ONECUT3: variants seen among roughly 807,000 people sequenced by gnomAD.
The protein encoded by ONECUT3 is one cut homeobox 3, also known as one cut domain family member 3.
ONECUT3 carries 11 observed loss-of-function variants against 16.8 expected under a neutral mutation model. That is an observed-to-expected ratio of 0.66 (90% CI 0.41 to 1.09). The LOEUF (loss-of-function observed/expected upper bound fraction) is 1.09. ONECUT3 is among the 50% of genes least tolerant of loss of function. ONECUT3 has a pLI of 0.00. For missense variants in ONECUT3, 637 were observed against 629.9 expected, an observed-to-expected ratio of 1.01 and a Z score of -0.12; for synonymous variants, 344 against 310.7, an observed-to-expected ratio of 1.11 and a Z score of -1.13.
At chr19:1,765,959 C>T (rs531876216) in intron 1 of ONECUT3, among the ~76,000 whole-genome samples, 11 of 152,366 alleles carry the variant, frequency 7.2e-5, no homozygotes, top group Admixed American at 1.3e-4. Context: ...TCACGTCTCA[C>T]GTCCACACCG....
chr19:1,775,138 G>A lies in ONECUT3; in HGVS notation c.1193-15G>A. The A allele has an allele frequency of 4.1e-6, 3 of 730,540 alleles. No individual in the cohort carries two copies. The highest frequency in any genetic ancestry group is 5.9e-6 in the Non-Finnish European group (3 of 507,842). 45.3% of individuals were successfully genotyped at this position (730,540 alleles called of 1,614,324 possible). ...CTGTGTCCCGCTCGCCCGCCCGCCC[G>A]CCGCTCGCCCGCAGCCTGCAAGCGC... On this transcript the variant is annotated splice_polypyrimidine_tract_variant and intron_variant, in intron 1 of 1. Coordinates refer to ENST00000382349, the MANE Select transcript of ONECUT3 (RefSeq NM_001080488.2).
At chr19:1,771,247 T>G (rs1045484275) in intron 1 of ONECUT3, among the ~76,000 whole-genome samples, 2 of 152,172 alleles carry the variant, frequency 1.3e-5, no homozygotes, top group Non-Finnish European at 2.9e-5. Context: ...CCCCTCATCC[T>G]GATTTGGAGG....
Position 1,775,472 on chromosome 19 carries a change from C to G in ONECUT3, c.*27C>G. On this transcript the variant is annotated 3_prime_UTR_variant, in exon 2 of 2. Coordinates refer to ENST00000382349, the MANE Select transcript of ONECUT3 (RefSeq NM_001080488.2). Reference sequence around the variant, plus strand: ...GCGCCCCGGCCCCGCGCCCTCCCTGCCTCCACGGCCTGGGCGCTGTGCCCC... The same window carrying G: ...GCGCCCCGGCCCCGCGCCCTCCCTGGCTCCACGGCCTGGGCGCTGTGCCCC... The G allele has an allele frequency of 2.8e-6, 4 of 1,438,228 alleles. No homozygotes were observed. Among genetic ancestry groups the G allele is most frequent in the Non-Finnish European group, 3.6e-6 (4 of 1,103,718 alleles). The allele number at this position is 1,438,228 out of a possible 1,614,324, so 89.1% of individuals were successfully genotyped here.
At position 1,754,199 on chromosome 19, in the gene ONECUT3, C is replaced by T; in HGVS notation, c.537C>T (p.Ala179=). 8.6e-7 allele frequency: 1 copy of T among 1,169,010 alleles called. No homozygotes were observed. The allele number at this position is 1,169,010 out of a possible 1,614,324, so 72.4% of individuals were successfully genotyped here. A position where few individuals can be genotyped will look rare whatever the true frequency, so the allele number is the denominator to read the frequency against. ...TGCGCGACGAGCGGGCGGCGCTCGC[C>T]TCCGTGGGCCACCTCTACGGACCCT... ...TLMRDERAAL[A]SVGHLYGPYG... is the part of the protein sequence containing the mutation. Residue 179 remains alanine (A), a synonymous_variant, in exon 1 of 2, where the codon GCC becomes GCT. Coordinates refer to ENST00000382349, the MANE Select transcript of ONECUT3 (RefSeq NM_001080488.2). The surrounding 1 kb of genome is among the most constrained non-coding windows in gnomAD (Gnocchi z 7.4).
chr19:1,771,988 ATTATTTATTTATTTATTTAT>A (rs61311263), intron 1 of ONECUT3, among the ~76,000 whole-genome samples: 2 of 141,394 alleles, frequency 1.4e-5, no homozygotes, highest in Admixed American at 1.4e-4. Context: ...CTATTTAGTT[ATTATTTATTTATTTATTTAT>A]TTATTTATTT....
Position 1,780,887 on chromosome 19 carries a change from T to G in ONECUT3, c.*5442T>G, listed in dbSNP as rs371578914. 3 of 150,140 alleles carry G rather than the reference T, an allele frequency of 2.0e-5. No individual in the cohort carries two copies. Among genetic ancestry groups the G allele is most frequent in the Non-Finnish European group, 4.4e-5 (3 of 67,814 alleles). The allele number at this position is 150,140 out of a possible 1,614,324, so 9.3% of individuals were successfully genotyped here. On this transcript the variant is annotated 3_prime_UTR_variant, in exon 2 of 2. Transcript: ENST00000382349. ...GGGCTGCTTTCAGGGGAGACACCAC[T>G]TGGACCCTCCAAAGTCCCCTCCCCT...
At position 1,775,679 on chromosome 19, in the gene ONECUT3, C is replaced by T. The variant is rs535180009; in HGVS notation, c.*234C>T. On this transcript the variant is annotated 3_prime_UTR_variant, in exon 2 of 2. Coordinates refer to ENST00000382349, the MANE Select transcript of ONECUT3 (RefSeq NM_001080488.2). The stretch of plus-strand genomic sequence containing the variant: ...CTCCCTCCAGGCCAAAGGAAGCCCT[C>T]CACCCCCCCCCGGAGGGGAGGGAGT... 271 of 393,358 alleles carry T rather than the reference C, an allele frequency of 6.9e-4. 1 individual carries two copies. Among genetic ancestry groups the T allele is most frequent in the Admixed American group, 4.0e-3 (83 of 20,942 alleles). 24.4% of individuals were successfully genotyped at this position (393,358 alleles called of 1,614,324 possible).
chr19:1,760,456 A>C (rs896605334), intron 1 of ONECUT3, among the ~76,000 whole-genome samples: 2 of 151,784 alleles, frequency 1.3e-5, no homozygotes, highest in Non-Finnish European at 2.9e-5. Flanking sequence ...CCACGTTCTC[A>C]GCCACTTGGC....
In ONECUT3 at chr19:1,753,692, C is replaced by G. The variant is rs898486851; in HGVS notation, c.30C>G (p.Gly10=). 1.9e-5 allele frequency: 20 copies of G among 1,050,114 alleles called. No homozygotes were observed. In the African/African-American group the frequency reaches 3.3e-4, roughly 17 times the overall value. The allele number at this position is 1,050,114 out of a possible 1,614,324, so 65.0% of individuals were successfully genotyped here. A position where few individuals can be genotyped will look rare whatever the true frequency, so the allele number is the denominator to read the frequency against. Residue 10 remains glycine, a synonymous_variant, in exon 1 of 2, where the codon GGC becomes GGG. Coordinates refer to ENST00000382349, the MANE Select transcript of ONECUT3 (RefSeq NM_001080488.2). ...AGCTGAGCCTGGAGAGCCTGGGGGG[C>G]CTGCACAGCGTGGCCCACGCGCAGG... MELSLESLG[G]LHSVAHAQAG... is the part of the protein sequence containing the mutation.
At chr19:1,756,498 A>G (rs2067916906) in intron 1 of ONECUT3, among the ~76,000 whole-genome samples, 1 of 152,076 alleles carries the variant, frequency 6.6e-6, no homozygotes, top group Admixed American at 6.6e-5. Flanking sequence ...GTGCAGTGCG[A>G]GGCCTCAGGT....
chr19:1,758,311 AAAAAAG>A lies in ONECUT3; in HGVS notation c.1192+3459_1192+3464del, dbSNP rs1218531179. ...AGAGGCAGAGAGACCAAAAAAAAAAAAAAAAGAGAGAGAGAGAGAGAGAGACAGAGA... is the reference window on the plus strand; with the variant it reads ...AGAGGCAGAGAGACCAAAAAAAAAAAAGAGAGAGAGAGAGAGAGACAGAGA... On this transcript the variant is annotated intron_variant, in intron 1 of 1. Transcript: ENST00000382349. This position sits in a 1 kb window ranked among gnomAD's most constrained non-coding sequence, Gnocchi z 5.9. Among the ~76,000 whole-genome samples, 19 of 118,212 alleles carry A rather than the reference AAAAAAG, an allele frequency of 1.6e-4. No individual in the cohort carries two copies. Among genetic ancestry groups the A allele is most frequent in the Non-Finnish European group, 2.9e-4 (16 of 55,184 alleles). 77.6% of individuals were successfully genotyped at this position (118,212 alleles called of 152,430 possible).
intron 1 of ONECUT3, among the ~76,000 whole-genome samples, chr19:1,763,794 T>C (rs1208964327): frequency 6.7e-6 from 1 of 150,122 alleles, no homozygotes; most frequent in African/African-American, 2.4e-5. Flanking sequence ...TCCCCCCGGC[T>C]CAGATCCGTG....
chr19:1,766,352 T>G lies in ONECUT3; in HGVS notation c.1193-8801T>G, dbSNP rs1421678175. ...CGCAGAGGCACCCACGGGCCCGCCT[T>G]CAGGGGCGAGGCGGATGCTGCATCC... On this transcript the variant is annotated intron_variant, in intron 1 of 1. Transcript: ENST00000382349. The surrounding 1 kb of genome is among the most constrained non-coding windows in gnomAD (Gnocchi z 4.0). Among the ~76,000 whole-genome samples the G allele has an allele frequency of 6.6e-6, 1 of 151,922 alleles. No homozygotes were observed. The highest frequency in any genetic ancestry group is 2.4e-5 in the African/African-American group (1 of 41,398).
rs1555799365 is a variant in ONECUT3 at position 1,763,371 on chromosome 19, A to AAAAAAAAAAAAT, written c.1192+8528_1192+8529insTAAAAAAAAAAA. Among the ~76,000 whole-genome samples, 11 of 91,632 alleles carry AAAAAAAAAAAAT rather than the reference A, an allele frequency of 1.2e-4. 1 individual carries two copies. The East Asian group carries it at 3.3e-3, about 27-fold the overall frequency. 60.1% of individuals were successfully genotyped at this position (91,632 alleles called of 152,430 possible). A position where few individuals can be genotyped will look rare whatever the true frequency, so the allele number is the denominator to read the frequency against. On this transcript the variant is annotated intron_variant, in intron 1 of 1. Transcript: ENST00000382349. Reference sequence around the variant, plus strand: ...GACAGAGTGAGACTCCATCTCAAAAAAAAAAAAAAAAAAAAAAAAAAAAAA... The same window carrying AAAAAAAAAAAAT: ...GACAGAGTGAGACTCCATCTCAAAAAAAAAAAAAAAATAAAAAAAAAAAAAAAAAAAAAAAAA...
At chr19:1,772,947 C>T (rs1226387790) in intron 1 of ONECUT3, among the ~76,000 whole-genome samples, 1 of 151,354 alleles carries the variant, frequency 6.6e-6, no homozygotes, top group Non-Finnish European at 1.5e-5. Context: ...TCGTGATCCG[C>T]CCGCCTCGGC....
At position 1,758,095 on chromosome 19, in the gene ONECUT3, G is replaced by A. The variant is rs868372295; in HGVS notation, c.1192+3241G>A. On this transcript the variant is annotated intron_variant, in intron 1 of 1. Coordinates refer to ENST00000382349, the MANE Select transcript of ONECUT3 (RefSeq NM_001080488.2). The surrounding 1 kb of genome is among the most constrained non-coding windows in gnomAD (Gnocchi z 5.9). ...CGGGCGCCGGGGCCAGGACAGAGAC[G>A]GGGACAGGGAGGGAGAAAGACCCGC... is the stretch of plus-strand genomic sequence containing the variant. Among the ~76,000 whole-genome samples the A allele has an allele frequency of 2.6e-5, 4 of 152,230 alleles. No individual in the cohort carries two copies. Among genetic ancestry groups the A allele is most frequent in the South Asian group, 4.1e-4 (2 of 4,832 alleles).
At chr19:1,763,925 G>A (rs11881780) in intron 1 of ONECUT3, among the ~76,000 whole-genome samples, 2,443 of 151,972 alleles carry the variant, frequency 0.016, 69 homozygotes, top group African/African-American at 0.055. Flanking sequence ...AATCGTTCGC[G>A]GTCACCATAG....
Position 1,778,738 on chromosome 19 carries a change from G to C in ONECUT3, c.*3293G>C, listed in dbSNP as rs909567291. 6.6e-6 allele frequency: 1 copy of C among 152,228 alleles called. No homozygotes were observed. The highest frequency in any genetic ancestry group is 2.1e-4 in the South Asian group (1 of 4,826). 9.4% of individuals were successfully genotyped at this position (152,228 alleles called of 1,614,324 possible). On this transcript the variant is annotated 3_prime_UTR_variant, in exon 2 of 2. Coordinates refer to ENST00000382349, the MANE Select transcript of ONECUT3 (RefSeq NM_001080488.2). ...TGGCCCAGCAGCACTTTGGGAGGCCGAGACAGGAGGATCGCTTGAGGCCAG... is the reference window on the plus strand; with the variant it reads ...TGGCCCAGCAGCACTTTGGGAGGCCCAGACAGGAGGATCGCTTGAGGCCAG...
At chr19:1,767,676 T>A (rs1314530484) in intron 1 of ONECUT3, among the ~76,000 whole-genome samples, 1 of 151,642 alleles carries the variant, frequency 6.6e-6, no homozygotes, top group Non-Finnish European at 1.5e-5. Context: ...GGCGGCCACA[T>A]CCCCGGGACC....
Sources: allele counts gnomAD v4.1 joint callset (sites outside exome capture counted in the v4.1 genomes callset), GRCh38; gene constraint gnomAD v4.1.1; non-coding constraint Gnocchi (gnomAD v3.1); transcripts MANE v1.5; gene names NCBI Gene and HGNC (gene_info 2026-07-23, HGNC 2026-07-21).